SLC36A2: variants seen among roughly 807,000 people sequenced by gnomAD.
The protein encoded by SLC36A2 is proton-coupled amino acid transporter 2.
A neutral mutation model predicts 42.7 loss-of-function variants in SLC36A2; 39 were observed. The observed-to-expected ratio is 0.91, with a 90% CI of 0.71 to 1.19. The LOEUF (loss-of-function observed/expected upper bound fraction) is 1.19, where lower values mean the gene tolerates loss of function less well. Among genes scored for constraint, SLC36A2 ranks in the 50% most tolerant of loss-of-function variants. The probability of loss-of-function intolerance (pLI) is 0.00; values close to 1 mark genes in which losing one functional copy is unlikely to be tolerated. For missense variants in SLC36A2, 590 were observed against 613.7 expected, an observed-to-expected ratio of 0.96 and a Z score of 0.41; for synonymous variants, 237 against 240.8, an observed-to-expected ratio of 0.98 and a Z score of 0.15.
At chr5:151,343,218 C>T (rs10062269) in intron 3 of SLC36A2, among the ~76,000 whole-genome samples, 17,157 of 152,094 alleles carry the variant, frequency 0.11, 2,091 homozygotes, top group African/African-American at 0.3. Flanking sequence ...TGCACGGGGA[C>T]GGTAGTTTTC....
At chr5:151,324,181 C>T (rs1450287709) in intron 8 of SLC36A2, among the ~76,000 whole-genome samples, 3 of 152,238 alleles carry the variant, frequency 2.0e-5, no homozygotes, top group African/African-American at 4.8e-5. Context: ...GAGTCTCTGC[C>T]GCCCAGGCTG....
chr5:151,316,105 A>C lies in SLC36A2; in HGVS notation c.*712T>G, dbSNP rs1281302500. ...CCCTTAATGTTTGCTTTTTGAACAG[A>C]CCCAGAAAAGGGAAAACCGGTTGTC... On this transcript the variant is annotated 3_prime_UTR_variant, in exon 10 of 10. Transcript: ENST00000335244. 6.6e-6 allele frequency: 1 copy of C among 152,328 alleles called. No homozygotes were observed. The highest frequency in any genetic ancestry group is 1.5e-5 in the Non-Finnish European group (1 of 68,184). 9.4% of individuals were successfully genotyped at this position (152,328 alleles called of 1,614,324 possible).
At position 151,316,856 on chromosome 5, in the gene SLC36A2, G is replaced by A. The variant is rs765801574; in HGVS notation, c.1413C>T (p.Asp471=). 18 of 1,613,978 alleles carry A rather than the reference G, an allele frequency of 1.1e-5. No homozygotes were observed. The highest frequency in any genetic ancestry group is 1.4e-5 in the Non-Finnish European group (16 of 1,180,018). The change falls in exon 10 of 10, where the codon GAC becomes GAT. Residue 471 remains aspartate, a synonymous_variant. Coordinates refer to ENST00000335244, the MANE Select transcript of SLC36A2 (RefSeq NM_181776.3). ...QALDELLKSE[D]SHPFSNSTTF... ...TGGTGGAGTTGGAAAAGGGGTGAGA[G>A]TCTTCTGACTTGAGCAGCTCGTCCA...
intron 7 of SLC36A2, among the ~76,000 whole-genome samples, chr5:151,328,287 T>C (rs1281655505): frequency 5.9e-5 from 9 of 152,198 alleles, no homozygotes. Flanking sequence ...GCACAGGTCC[T>C]GAAGAGTAAA....
intron 1 of SLC36A2, among the ~76,000 whole-genome samples, chr5:151,345,217 T>C (rs1308873374): frequency 6.6e-6 from 1 of 152,198 alleles, no homozygotes; most frequent in East Asian, 1.9e-4. Context: ...CGTGCAACTT[T>C]AGAAACCTTG....
At chr5:151,337,044 A>G (rs1756179400) in intron 5 of SLC36A2, among the ~76,000 whole-genome samples, 1 of 152,238 alleles carries the variant, frequency 6.6e-6, no homozygotes, top group Non-Finnish European at 1.5e-5. Flanking sequence ...GTGGATACAT[A>G]AATGAATCAT....
chr5:151,331,770 T>G (rs1366181024), intron 7 of SLC36A2, among the ~76,000 whole-genome samples: 1 of 152,138 alleles, frequency 6.6e-6, no homozygotes, highest in Non-Finnish European at 1.5e-5. Flanking sequence ...TGGACTGTGG[T>G]CATGCAACTA....
At chr5:151,347,250 C>T in intron 1 of SLC36A2, 47 bp downstream of exon 1, 3 of 1,612,422 alleles carry the variant, frequency 1.9e-6, no homozygotes, top group Non-Finnish European at 2.5e-6. Flanking sequence ...CCAATGCAAG[C>T]TTCAGGCTAG....
chr5:151,321,341 C>CTTT (rs1319471938), intron 9 of SLC36A2, among the ~76,000 whole-genome samples: 7 of 94,592 alleles, frequency 7.4e-5, no homozygotes, highest in African/African-American at 1.3e-4. Flanking sequence ...ATTTTCTTTT[C>CTTT]TTTCTTTTTT....
At chr5:151,339,890 T>A (rs890375167) in intron 4 of SLC36A2, among the ~76,000 whole-genome samples, 5 of 152,146 alleles carry the variant, frequency 3.3e-5, no homozygotes, top group African/African-American at 1.2e-4. Context: ...GACTAATGGG[T>A]TAGGTGGACA....
intron 5 of SLC36A2, among the ~76,000 whole-genome samples, chr5:151,335,809 A>G (rs1756139539): frequency 6.6e-6 from 1 of 152,140 alleles, no homozygotes; most frequent in Non-Finnish European, 1.5e-5. Context: ...CAGGTGGATC[A>G]TTTGAGGTCA....
chr5:151,318,569 TA>T (rs1231665531), intron 9 of SLC36A2, among the ~76,000 whole-genome samples: 2 of 144,970 alleles, frequency 1.4e-5, no homozygotes, highest in African/African-American at 5.0e-5. Context: ...TATTTTTATA[TA>T]TAATAAATAT....
intron 9 of SLC36A2, among the ~76,000 whole-genome samples, chr5:151,320,683 G>A (rs1020384056): frequency 6.6e-6 from 1 of 152,198 alleles, no homozygotes; most frequent in Non-Finnish European, 1.5e-5. Flanking sequence ...GCACAGGACC[G>A]TCCAGGGGTC....
chr5:151,333,119 C>G, intron 7 of SLC36A2, 105 bp downstream of exon 7: 1 of 1,051,878 alleles, frequency 9.5e-7, no homozygotes, highest in Non-Finnish European at 1.5e-6. Context: ...TTCTAGCAGG[C>G]CCAAAACAAT....
chr5:151,339,058 A>G lies in SLC36A2; in HGVS notation c.525+2T>C. The G allele has an allele frequency of 6.2e-7, 1 of 1,606,758 alleles. No individual in the cohort carries two copies. Among genetic ancestry groups the G allele is most frequent in the South Asian group, 1.1e-5 (1 of 90,864 alleles). The stretch of plus-strand genomic sequence containing the variant: ...CCTCCCGTTTTCTCTAGAAGCCTCT[A>G]CCTGTTTTAAATTATCAGCCAAAAA... On this transcript the variant is annotated splice_donor_variant, in intron 5 of 9. Coordinates refer to ENST00000335244, the MANE Select transcript of SLC36A2 (RefSeq NM_181776.3). LOFTEE classifies it high-confidence loss of function.
At chr5:151,320,847 G>A (rs1430840618) in intron 9 of SLC36A2, among the ~76,000 whole-genome samples, 4 of 152,190 alleles carry the variant, frequency 2.6e-5, no homozygotes, top group African/African-American at 9.7e-5. Context: ...ACATTGTGAG[G>A]TTCAAACAAC....
In SLC36A2 at chr5:151,347,474, A is replaced by G. The variant is rs777750356; in HGVS notation, c.-14T>C. On this transcript the variant is annotated 5_prime_UTR_variant, in exon 1 of 10. Coordinates refer to ENST00000335244, the MANE Select transcript of SLC36A2 (RefSeq NM_181776.3). ...TGTCACAGACATGACTGCTTAAGAA[A>G]CAAGGAGCTCGGGGTGACAAAGAGG... 8.1e-6 allele frequency: 13 copies of G among 1,613,300 alleles called. No homozygotes were observed. The highest frequency in any genetic ancestry group is 1.1e-5 in the Non-Finnish European group (13 of 1,180,008).
At chr5:151,338,682 A>G (rs76009875) in intron 5 of SLC36A2, 13 of 126,042 alleles carry the variant, frequency 1.0e-4, no homozygotes, top group Non-Finnish European at 1.2e-4. Flanking sequence ...TCTCAAAAAG[A>G]AAAAAAAAAA....
rs1580844491 is a variant in SLC36A2 at position 151,321,953 on chromosome 5, C to T, written c.1180+93G>A. 9 of 1,537,166 alleles carry T rather than the reference C, an allele frequency of 5.9e-6. No homozygotes were observed. In the East Asian group the frequency reaches 2.0e-4, roughly 35 times the overall value. ...TCGGCCTCCCAAAGTGCCAGGATTA[C>T]AGGTGTAAGCCAATGCATCCGGCCC... On this transcript the variant is annotated intron_variant, in intron 9 of 9. Coordinates refer to ENST00000335244, the MANE Select transcript of SLC36A2 (RefSeq NM_181776.3).
Sources: gnomAD v4.1 joint callset for allele counts (sites outside exome capture counted in the v4.1 genomes callset) on GRCh38, gnomAD v4.1.1 for gene constraint, MANE v1.5 for transcripts, NCBI Gene and HGNC (gene_info 2026-07-23, HGNC 2026-07-21) for gene names.